The following VASN variants were observed in gnomAD, a reference collection of about 807,000 sequenced individuals.
The protein encoded by VASN is protein slit-like 2.
A neutral mutation model predicts 4.8 loss-of-function variants in VASN; 5 were observed. The ratio of observed to expected loss-of-function variants is 1.03; its 90% confidence interval spans 0.54 to 2.17. VASN has a LOEUF of 2.17. Ranked by LOEUF, VASN falls within the 30% of genes most tolerant of loss-of-function variation. The pLI is 0.01. For missense variants in VASN, 927 were observed against 948.8 expected (o/e 0.98, Z 0.30); for synonymous variants, 499 against 460.8 (o/e 1.08, Z -1.06).
At chr16:4,374,369 G>C (rs2141223750) in intron 1 of VASN, among the ~76,000 whole-genome samples, 1 of 152,274 alleles carries the variant, frequency 6.6e-6, no homozygotes, top group South Asian at 2.1e-4. Flanking sequence ...GGCTGGAGGA[G>C]GCTCCCTCAG....
In VASN at chr16:4,373,999, G is replaced by A. The variant is rs369462073; in HGVS notation, c.-10+2006G>A. Among the ~76,000 whole-genome samples the A allele has an allele frequency of 4.6e-5, 7 of 152,312 alleles. 1 individual carries two copies. Among genetic ancestry groups the A allele is most frequent in the African/African-American group, 1.7e-4 (7 of 41,572 alleles). On this transcript the variant is annotated intron_variant, in intron 1 of 1. Transcript: ENST00000304735. Reference sequence around the variant, plus strand: ...CTTAGAGTCCCCTCCCTGGGCTGGGGAGCCCAAGGCTCTGTGCTGCCAAGA... The same window carrying A: ...CTTAGAGTCCCCTCCCTGGGCTGGGAAGCCCAAGGCTCTGTGCTGCCAAGA...
chr16:4,376,959 C>T (rs566401843), intron 1 of VASN, among the ~76,000 whole-genome samples: 15 of 152,306 alleles, frequency 9.8e-5, no homozygotes, highest in African/African-American at 2.4e-4. Flanking sequence ...TGACGCCCTC[C>T]GCAGTGAATG....
At position 4,381,861 on chromosome 16, in the gene VASN, C is replaced by T; in HGVS notation, c.984C>T (p.Cys328=). 1 of 1,603,140 alleles carries T rather than the reference C, an allele frequency of 6.2e-7. No homozygotes were observed. The highest frequency in any genetic ancestry group is 8.5e-7 in the Non-Finnish European group (1 of 1,179,754). ...TGGCCAGCCCTGAGGAGACGCGCTG[C>T]CACTTCCCGCCCAAGAACGCTGGCC... ...VTLASPEETR[C]HFPPKNAGRL... The change falls in exon 2 of 2, where the codon TGC becomes TGT. Residue 328 remains cysteine (C), a synonymous_variant. Transcript: ENST00000304735.
chr16:4,379,730 C>A (rs551167002), intron 1 of VASN, among the ~76,000 whole-genome samples: 87 of 152,124 alleles, frequency 5.7e-4, no homozygotes, highest in Admixed American at 4.5e-3. Flanking sequence ...TGGTGCCCAG[C>A]TCAGGGCAGA....
At chr16:4,372,911 G>C (rs9938718) in intron 1 of VASN, among the ~76,000 whole-genome samples, 14,416 of 152,248 alleles carry the variant, frequency 0.095, 1,316 homozygotes, top group African/African-American at 0.23. Flanking sequence ...GCTCTGGAGA[G>C]AGGCAGCGGG....
rs756972208 is a variant in VASN at position 4,381,169 on chromosome 16, C to T, written c.292C>T (p.Pro98Ser). 6.2e-7 allele frequency: 1 copy of T among 1,611,686 alleles called. No homozygotes were observed. Among genetic ancestry groups the T allele is most frequent in the Non-Finnish European group, 8.5e-7 (1 of 1,179,196 alleles). The change falls in exon 2 of 2, where the codon CCA becomes TCA. Residue 98 changes from proline (P) to serine (S), a missense_variant. Transcript: ENST00000304735. The stretch of plus-strand genomic sequence containing the variant: ...CAGCCTGCCCAGCGGGGTCTTCCAG[C>T]CACTCGCCAACCTCAGCAACCTGGA... ...IASLPSGVFQ[P>S]LANLSNLDLT...
In VASN at chr16:4,382,679, G is replaced by A. The variant is rs761143907; in HGVS notation, c.1802G>A (p.Arg601Gln). 178 of 1,547,528 alleles carry A rather than the reference G, an allele frequency of 1.2e-4. No individual in the cohort carries two copies. The highest frequency in any genetic ancestry group is 2.4e-4 in the East Asian group (10 of 41,056). Residue 601 changes from arginine (R) to glutamine (Q), a missense_variant, in exon 2 of 2, where the codon CGG becomes CAG. Coordinates refer to ENST00000304735, the MANE Select transcript of VASN (RefSeq NM_138440.3). Reference protein sequence around the residue: ...AAVGAAYCVRRGRAMAAAAQD... With the variant: ...AAVGAAYCVRQGRAMAAAAQD... ...GTGGGGGCAGCCTACTGTGTGCGGC[G>A]GGGGCGGGCCATGGCAGCAGCGGCT...
At chr16:4,373,405 G>A (rs1290978657) in intron 1 of VASN, among the ~76,000 whole-genome samples, 1 of 152,144 alleles carries the variant, frequency 6.6e-6, no homozygotes, top group African/African-American at 2.4e-5. Flanking sequence ...TGCTACCTGT[G>A]GGTCCGGAGG....
rs564056884 is a variant in VASN at position 4,381,863 on chromosome 16, A to C, written c.986A>C (p.His329Pro). ...TLASPEETRC[H>P]FPPKNAGRLL... ...GCCAGCCCTGAGGAGACGCGCTGCC[A>C]CTTCCCGCCCAAGAACGCTGGCCGG... The change falls in exon 2 of 2, where the codon CAC (histidine) becomes CCC (proline). Residue 329 changes from histidine (H) to proline (P), a missense_variant. Transcript: ENST00000304735. The C allele has an allele frequency of 1.2e-6, 2 of 1,603,224 alleles. No individual in the cohort carries two copies. Among genetic ancestry groups the C allele is most frequent in the South Asian group, 2.2e-5 (2 of 91,016 alleles).
intron 1 of VASN, among the ~76,000 whole-genome samples, chr16:4,375,073 C>T (rs527269662): frequency 6.6e-6 from 1 of 152,272 alleles, no homozygotes; most frequent in Admixed American, 6.5e-5. Flanking sequence ...CTCCCAGGGC[C>T]ACAGGTGTCC....
At position 4,381,603 on chromosome 16, in the gene VASN, G is replaced by C. The variant is rs1483772559; in HGVS notation, c.726G>C (p.Thr242=). ...PPVIRGLRGL[T]RLRLAGNTRI... ...TGATCCGAGGCCTCCGGGGCCTGAC[G>C]CGCCTGCGGCTGGCCGGCAACACCC... Residue 242 remains threonine, a synonymous_variant, in exon 2 of 2, where the codon ACG becomes ACC. Transcript: ENST00000304735. The C allele has an allele frequency of 1.3e-6, 2 of 1,599,072 alleles. No individual in the cohort carries two copies. The highest frequency in any genetic ancestry group is 1.7e-6 in the Non-Finnish European group (2 of 1,173,472).
chr16:4,380,680 T>TCAATG (rs2054923899), intron 1 of VASN, among the ~76,000 whole-genome samples, 189 bp from the exon 2 acceptor site: 2 of 152,134 alleles, frequency 1.3e-5, no homozygotes, highest in Non-Finnish European at 2.9e-5. Flanking sequence ...ATTGACAAGG[T>TCAATG]CACACAGTGA....
Position 4,382,080 on chromosome 16 carries a change from G to T in VASN, c.1203G>T (p.Gly401=), listed in dbSNP as rs1252456048. 1 of 1,585,688 alleles carries T rather than the reference G, an allele frequency of 6.3e-7. No individual in the cohort carries two copies. The highest frequency in any genetic ancestry group is 8.6e-7 in the Non-Finnish European group (1 of 1,167,998). Residue 401 remains glycine, a synonymous_variant, in exon 2 of 2, where the codon GGG becomes GGT. Transcript: ENST00000304735. ...CCTCCACTGCCCCACCGACTGTAGGGCCTGTCCCCCAGCCCCAGGACTGCC... is the reference window on the plus strand; with the variant it reads ...CCTCCACTGCCCCACCGACTGTAGGTCCTGTCCCCCAGCCCCAGGACTGCC... ...SPPSTAPPTV[G]PVPQPQDCPP... is the part of the protein sequence containing the mutation.
At position 4,382,392 on chromosome 16, in the gene VASN, T is replaced by A. The variant is rs1194586666; in HGVS notation, c.1515T>A (p.Asp505Glu). 2 of 1,612,224 alleles carry A rather than the reference T, an allele frequency of 1.2e-6. No individual in the cohort carries two copies. Among genetic ancestry groups the A allele is most frequent in the Admixed American group, 3.3e-5 (2 of 59,972 alleles). The change falls in exon 2 of 2, where the codon GAT (aspartate) becomes GAA (glutamate). Residue 505 changes from aspartate (D) to glutamate (E), a missense_variant. By Grantham distance (45) the Asp-to-Glu change is conservative. Coordinates refer to ENST00000304735, the MANE Select transcript of VASN (RefSeq NM_138440.3). ...RLTYRNLSGPDKRLVTLRLPA... is the reference protein window; with the variant it reads ...RLTYRNLSGPEKRLVTLRLPA... ...CCTATCGCAACCTATCGGGCCCTGA[T>A]AAGCGGCTGGTGACGCTGCGACTGC...
rs201683567 is a variant in VASN, at chr16:4,381,819, C to T, written c.942C>T (p.Arg314=). 29 of 1,600,552 alleles carry T rather than the reference C, an allele frequency of 1.8e-5. No homozygotes were observed. The highest frequency in any genetic ancestry group is 8.9e-5 in the East Asian group (4 of 44,876). ...CPLSWFGPWV[R]ESHVTLASPE... is the part of the protein sequence containing the mutation. Reference sequence around the variant, plus strand: ...TGAGCTGGTTTGGCCCCTGGGTGCGCGAGAGCCACGTCACACTGGCCAGCC... The same window carrying T: ...TGAGCTGGTTTGGCCCCTGGGTGCGTGAGAGCCACGTCACACTGGCCAGCC... Residue 314 remains arginine, a synonymous_variant, in exon 2 of 2, where the codon CGC becomes CGT. Transcript: ENST00000304735.
intron 1 of VASN, among the ~76,000 whole-genome samples, chr16:4,372,633 C>T (rs1272098145): frequency 2.6e-5 from 4 of 152,230 alleles, no homozygotes; most frequent in Non-Finnish European, 4.4e-5. Flanking sequence ...GGCTGCAAAC[C>T]CAGTGGCCTG....
chr16:4,375,983 G>C (rs1202679299), intron 1 of VASN, among the ~76,000 whole-genome samples: 3 of 152,326 alleles, frequency 2.0e-5, no homozygotes, highest in Middle Eastern at 3.4e-3. Flanking sequence ...TCCTGGCTGT[G>C]GCATTATCTG....
Position 4,380,923 on chromosome 16 carries a change from G to A in VASN, c.46G>A (p.Ala16Thr). ...GCTGCTGCCGCTGCTCCTGCTACTG[G>A]CCCTGGGGCCTGGGGTGCAGGGCTG... ...PLLLPLLLLL[A>T]LGPGVQGCPS... Residue 16 changes from alanine to threonine, a missense_variant, in exon 2 of 2, where the codon GCC (alanine) becomes ACC (threonine). By Grantham distance (58) the Ala-to-Thr change is moderately conservative. Coordinates refer to ENST00000304735, the MANE Select transcript of VASN (RefSeq NM_138440.3). The A allele has an allele frequency of 1.3e-6, 2 of 1,580,134 alleles. No individual in the cohort carries two copies. The highest frequency in any genetic ancestry group is 1.1e-5 in the South Asian group (1 of 87,796).
chr16:4,377,517 C>T (rs2054785416), intron 1 of VASN, among the ~76,000 whole-genome samples: 1 of 152,214 alleles, frequency 6.6e-6, no homozygotes, highest in South Asian at 2.1e-4. Flanking sequence ...AAAACTACAA[C>T]TCCAGAGGGT....
Sources: gnomAD v4.1 joint callset for allele counts (sites outside exome capture counted in the v4.1 genomes callset) on GRCh38, gnomAD v4.1.1 for gene constraint, MANE v1.5 for transcripts, NCBI Gene and HGNC (gene_info 2026-07-23, HGNC 2026-07-21) for gene names.